Variants in RBL2 observed in about 807,000 individuals in gnomAD.
The protein encoded by RBL2 is RB transcriptional corepressor like 2, also known as retinoblastoma-like protein 2.
Under a neutral mutation model 126.0 loss-of-function variants are expected in RBL2, and 56 were observed. The observed-to-expected ratio is 0.44, with a 90% CI of 0.36 to 0.56. The LOEUF is 0.56. Among genes scored for constraint, RBL2 ranks in the 20% least tolerant of loss-of-function variants. The pLI is 0.00. For missense variants in RBL2, 1,229 were observed against 1,398.2 expected (o/e 0.88, Z 1.93); for synonymous variants, 454 against 478.5 (o/e 0.95, Z 0.67).
chr16:53,488,115 G>A, intron 21 of RBL2: 1 of 152,210 alleles, frequency 6.6e-6, no homozygotes, highest in Admixed American at 6.5e-5. Context: ...TGTTTATAGT[G>A]ACTTTCTTCC....
chr16:53,468,378 C>G (rs765991558), intron 14 of RBL2, among the ~76,000 whole-genome samples: 1 of 151,208 alleles, frequency 6.6e-6, no homozygotes, highest in Non-Finnish European at 1.5e-5. Context: ...ATCTCTACCC[C>G]CAACCCCCCC....
At chr16:53,487,095 A>G (rs968661099) in intron 21 of RBL2, among the ~76,000 whole-genome samples, 2 of 152,242 alleles carry the variant, frequency 1.3e-5, no homozygotes, top group African/African-American at 2.4e-5. Flanking sequence ...ATAATACCTT[A>G]GTTTCCAATT....
chr16:53,452,177 A>C (rs1030292811), intron 5 of RBL2, among the ~76,000 whole-genome samples: 1 of 152,248 alleles, frequency 6.6e-6, no homozygotes, highest in East Asian at 1.9e-4. Context: ...AGGAGATCAA[A>C]AAGAATTTGT....
chr16:53,481,453 CAT>C (rs1960942461), intron 20 of RBL2: 1 of 462,882 alleles, frequency 2.2e-6, no homozygotes, highest in Non-Finnish European at 3.8e-6. Flanking sequence ...GATGAAATGA[CAT>C]AATGTATAAA....
At chr16:53,470,327 C>T (rs2058310178) in intron 15 of RBL2, 56 bp from the exon 16 acceptor site, 1 of 1,582,618 alleles carries the variant, frequency 6.3e-7, no homozygotes, top group African/African-American at 1.3e-5. Context: ...TAAACCTCTG[C>T]CCGGAGAACC....
chr16:53,437,352 A>G (rs371781611), intron 1 of RBL2, among the ~76,000 whole-genome samples: 1 of 151,542 alleles, frequency 6.6e-6, no homozygotes, highest in East Asian at 1.9e-4. Flanking sequence ...ATTGATACAT[A>G]TAAGTGGGTT....
intron 2 of RBL2, among the ~76,000 whole-genome samples, chr16:53,439,954 CAAAAAAAAAA>C (rs10591959): frequency 7.6e-5 from 7 of 91,962 alleles, no homozygotes; most frequent in African/African-American, 1.2e-4. Flanking sequence ...ACCTTGTCTC[CAAAAAAAAAA>C]AAAAAAAAAA....
At position 53,461,541 on chromosome 16, in the gene RBL2, G is replaced by GT. The variant is rs56314500; in HGVS notation, c.1347-187dup. The stretch of plus-strand genomic sequence containing the variant: ...AAAAGGTGTAGCTCCCACAAGAAAA[G>GT]TTTTTTTTTTTTTCATTCAAACTGG... On this transcript the variant is annotated intron_variant, in intron 9 of 21. Transcript: ENST00000262133. Among the ~76,000 whole-genome samples the GT allele has an allele frequency of 9.9e-3, 1,437 of 145,280 alleles. 22 individuals carry two copies. Among genetic ancestry groups the GT allele is most frequent in the African/African-American group, 0.03 (1,207 of 39,858 alleles).
chr16:53,447,683 C>A (rs1415904792), intron 4 of RBL2, among the ~76,000 whole-genome samples: 1 of 151,852 alleles, frequency 6.6e-6, no homozygotes, highest in East Asian at 1.9e-4. Context: ...CTCATTCTGT[C>A]TCCCAGGGTA....
In RBL2 at chr16:53,453,686, A is replaced by T. The variant is rs1460543984; in HGVS notation, c.928-19A>T. 2 of 1,606,410 alleles carry T rather than the reference A, an allele frequency of 1.2e-6. No individual in the cohort carries two copies. The highest frequency in any genetic ancestry group is 1.7e-6 in the Non-Finnish European group (2 of 1,176,990). On this transcript the variant is annotated intron_variant, in intron 6 of 21. Coordinates refer to ENST00000262133, the MANE Select transcript of RBL2 (RefSeq NM_005611.4). ...CTTGATTTAACATGACGACTTAAGG[A>T]TCTCTTCTTTCATCATAGCTCCTTA...
chr16:53,472,454 A>G (rs1297098982), intron 17 of RBL2, among the ~76,000 whole-genome samples: 1 of 152,120 alleles, frequency 6.6e-6, no homozygotes, highest in Non-Finnish European at 1.5e-5. Context: ...CTTAGCGGGT[A>G]TTGGGTGATA....
At position 53,481,727 on chromosome 16, in the gene RBL2, A is replaced by G; in HGVS notation, c.3141A>G (p.Arg1047=). Residue 1047 remains arginine, a synonymous_variant, in exon 21 of 22, where the codon CGA becomes CGG. Transcript: ENST00000262133. The part of the protein sequence containing the change: ...YPFVRTGSPR[R]IQLSQNHPVY... ...TTGTAAGAACAGGCTCCCCTCGCCG[A>G]ATACAGTTGTCTCAAAATCATCCTG... 1 of 1,609,544 alleles carries G rather than the reference A, an allele frequency of 6.2e-7. No individual in the cohort carries two copies. Among genetic ancestry groups the G allele is most frequent in the Non-Finnish European group, 8.5e-7 (1 of 1,175,932 alleles).
intron 1 of RBL2, among the ~76,000 whole-genome samples, 165 bp from the exon 2 acceptor site, chr16:53,438,843 CAAAAAAAA>C (rs11302382): frequency 1.3e-4 from 4 of 30,532 alleles, no homozygotes; most frequent in African/African-American, 2.8e-4. Flanking sequence ...GATTCCATCT[CAAAAAAAA>C]AAAAAAAAAA....
chr16:53,479,250 G>A (rs764128645), intron 18 of RBL2, 25 bp downstream of exon 18: 4 of 1,585,082 alleles, frequency 2.5e-6, no homozygotes, highest in Admixed American at 1.7e-5. Flanking sequence ...TCTATGGGCT[G>A]AAAAATAAAG....
At chr16:53,478,213 G>A (rs1410420956) in intron 17 of RBL2, among the ~76,000 whole-genome samples, 1 of 152,068 alleles carries the variant, frequency 6.6e-6, no homozygotes, top group Non-Finnish European at 1.5e-5. Flanking sequence ...TTTTATTGGG[G>A]TTTCCCTGTA....
intron 1 of RBL2, among the ~76,000 whole-genome samples, chr16:53,438,022 A>G (rs2057975986): frequency 6.6e-6 from 1 of 152,074 alleles, no homozygotes; most frequent in Non-Finnish European, 1.5e-5. Flanking sequence ...GTGAGACTCC[A>G]TCTCAAAAAA....
At chr16:53,454,307 C>T (rs540062279) in intron 7 of RBL2, 26 of 422,404 alleles carry the variant, frequency 6.2e-5, no homozygotes, top group African/African-American at 2.3e-4. Context: ...CAGGTTCAAG[C>T]GATTCTTCTG....
At chr16:53,469,621 T>C (rs1486436100) in intron 14 of RBL2, among the ~76,000 whole-genome samples, 1 of 152,078 alleles carries the variant, frequency 6.6e-6, no homozygotes, top group Non-Finnish European at 1.5e-5. Context: ...ATCATGAAGG[T>C]TCTTTAGTAG....
At chr16:53,447,770 G>A (rs563647206) in intron 4 of RBL2, among the ~76,000 whole-genome samples, 10 of 151,940 alleles carry the variant, frequency 6.6e-5, no homozygotes, top group African/African-American at 2.2e-4. Context: ...TCAGCCTCCC[G>A]AATAGCCGTG....
Sources: allele counts gnomAD v4.1 joint callset (sites outside exome capture counted in the v4.1 genomes callset), GRCh38; gene constraint gnomAD v4.1.1; transcripts MANE v1.5; gene names NCBI Gene and HGNC (gene_info 2026-07-23, HGNC 2026-07-21).